The following ABCA13 variants were observed in gnomAD, a reference collection of about 807,000 sequenced individuals.
ABCA13 encodes ATP-binding cassette sub-family A member 13.
ABCA13 carries 476 observed loss-of-function variants against 478.7 expected under a neutral mutation model. That is an observed-to-expected ratio of 0.99 (90% CI 0.92 to 1.07). The LOEUF is 1.07. Among genes scored for constraint, ABCA13 ranks in the 50% least tolerant of loss-of-function variants. ABCA13 has a pLI of 0.00. For missense variants in ABCA13, 6,060 were observed against 5,910.6 expected (o/e 1.03, Z -0.83); for synonymous variants, 2,252 against 2,158.9 (o/e 1.04, Z -1.20).
intron 55 of ABCA13, among the ~76,000 whole-genome samples, chr7:48,576,894 C>T (rs536907237): frequency 6.6e-6 from 1 of 152,214 alleles, no homozygotes; most frequent in African/African-American, 2.4e-5. Flanking sequence ...TGTCAAACCA[C>T]AATGGAATTA....
chr7:48,632,128 T>G (rs572157982), intron 59 of ABCA13, among the ~76,000 whole-genome samples: 1 of 152,320 alleles, frequency 6.6e-6, no homozygotes, highest in African/African-American at 2.4e-5. Context: ...ATAGATTTAC[T>G]TCCTCTTTTC....
chr7:48,210,886 A>T (rs990821777), intron 3 of ABCA13, among the ~76,000 whole-genome samples: 3 of 152,052 alleles, frequency 2.0e-5, no homozygotes, highest in Admixed American at 6.6e-5. Flanking sequence ...AAATCAAATG[A>T]TTCTTCATTG....
rs769145686 is a variant in ABCA13 at position 48,350,787 on chromosome 7, A to G, written c.10349A>G (p.His3450Arg). The change falls in exon 30 of 62, where the codon CAT becomes CGT. Residue 3450 changes from histidine (H) to arginine (R), a missense_variant. Physicochemically the swap from His to Arg is conservative, Grantham distance 29. This residue lies in a region of ABCA13 where 4,423 missense variants were observed against 4,309.1 expected (regional missense o/e 1.03). Coordinates refer to ENST00000435803, the MANE Select transcript of ABCA13 (RefSeq NM_152701.5). ...GTCGACATCCTGGAGACTAAAGCAC[A>G]TGAACTCTTGCAGCAGAACAGCTTC... ...QSVDILETKAHELLQQNSFLA... is the reference protein window; with the variant it reads ...QSVDILETKARELLQQNSFLA... The G allele has an allele frequency of 6.1e-5, 99 of 1,613,898 alleles. No individual in the cohort carries two copies. Among genetic ancestry groups the G allele is most frequent in the Non-Finnish European group, 8.2e-5 (97 of 1,179,824 alleles).
chr7:48,171,606 C>A, intron 1 of ABCA13, 54 bp downstream of exon 1: 3 of 1,522,430 alleles, frequency 2.0e-6, no homozygotes, highest in Admixed American at 2.0e-5. Context: ...GGAGCAAGAT[C>A]AGGGTCTATT....
In ABCA13 at chr7:48,646,370, C is replaced by T. The variant is rs1001298026; in HGVS notation, c.*858C>T. The T allele has an allele frequency of 1.3e-5, 2 of 152,176 alleles. No homozygotes were observed. Among genetic ancestry groups the T allele is most frequent in the Non-Finnish European group, 2.9e-5 (2 of 68,050 alleles). The allele number at this position is 152,176 out of a possible 1,614,324, so 9.4% of individuals were successfully genotyped here. On this transcript the variant is annotated 3_prime_UTR_variant, in exon 62 of 62. Transcript: ENST00000435803. ...CTTCTGGGAGCTTGCAAGAAATGTA[C>T]ATTCTCAGGATCCACTCCAGACCTA...
Position 48,219,490 on chromosome 7 carries a change from C to T in ABCA13, c.424C>T (p.Arg142Ter), listed in dbSNP as rs369201533. 103 of 1,610,754 alleles carry T rather than the reference C, an allele frequency of 6.4e-5. No individual in the cohort carries two copies. Among genetic ancestry groups the T allele is most frequent in the Admixed American group, 1.5e-4 (9 of 59,300 alleles). Residue 142 changes from arginine to a stop codon, truncating the protein, a stop_gained, in exon 4 of 62, where the codon CGA (arginine) becomes TGA (stop). Transcript: ENST00000435803. LOFTEE classifies it high-confidence loss of function. ...AAACTTAAAAAGACTTTGGGTAGAA[C>T]GATCCAACACTCCAGGCAAGTAAAC... The part of the protein sequence containing the change: ...AKNLKRLWVE[R>*]SNTPDSSYGS...
At chr7:48,506,462 ACTTTGGTCTCT>A (rs1323885909) in intron 49 of ABCA13, 72 bp downstream of exon 49, 1 of 1,546,786 alleles carries the variant, frequency 6.5e-7, no homozygotes, top group East Asian at 2.3e-5. Flanking sequence ...CTTAGGGATG[ACTTTGGTCTCT>A]CTTTTGCATT....
chr7:48,366,975 A>G (rs1323490963), intron 31 of ABCA13, among the ~76,000 whole-genome samples: 1 of 152,128 alleles, frequency 6.6e-6, no homozygotes, highest in Non-Finnish European at 1.5e-5. Context: ...TTCATGTATC[A>G]CCAGCCCAGT....
chr7:48,319,154 C>A (rs1803031150), intron 27 of ABCA13, among the ~76,000 whole-genome samples: 1 of 152,058 alleles, frequency 6.6e-6, no homozygotes. Flanking sequence ...GGATTGTGGG[C>A]CTGGACAGAG....
At chr7:48,241,395 G>T (rs1790813434) in intron 10 of ABCA13, among the ~76,000 whole-genome samples, 2 of 152,160 alleles carry the variant, frequency 1.3e-5, no homozygotes, top group Non-Finnish European at 2.9e-5. Flanking sequence ...TTTATGTACA[G>T]AACTACCTTA....
chr7:48,181,454 C>T (rs960800368), intron 1 of ABCA13, among the ~76,000 whole-genome samples: 3 of 151,904 alleles, frequency 2.0e-5, no homozygotes, highest in Non-Finnish European at 2.9e-5. Flanking sequence ...ATACTTCATT[C>T]ATCCATAGCT....
intron 27 of ABCA13, among the ~76,000 whole-genome samples, chr7:48,333,580 A>G (rs1805748158): frequency 1.3e-5 from 2 of 152,114 alleles, no homozygotes; most frequent in African/African-American, 4.8e-5. Flanking sequence ...AAAATCTTTT[A>G]TTTTTGTGGG....
In ABCA13 at chr7:48,273,670, G is replaced by T; in HGVS notation, c.4004G>T (p.Arg1335Ile). The part of the protein sequence containing the change: ...TELREAIVFL[R>I]NVSHDRDLFS... ...CTAAGAGAAGCAATAGTATTTCTTA[G>T]AAATGTATCACATGATCGAGATTTG... Residue 1335 changes from arginine to isoleucine, a missense_variant, in exon 17 of 62, where the codon AGA becomes ATA. This residue lies in a region of ABCA13 where 4,423 missense variants were observed against 4,309.1 expected (regional missense o/e 1.03). Transcript: ENST00000435803. The T allele has an allele frequency of 1.2e-6, 2 of 1,607,742 alleles. No homozygotes were observed. Among genetic ancestry groups the T allele is most frequent in the South Asian group, 2.2e-5 (2 of 90,214 alleles).
intron 44 of ABCA13, among the ~76,000 whole-genome samples, chr7:48,470,102 C>T (rs530883786): frequency 3.3e-5 from 5 of 152,242 alleles, no homozygotes; most frequent in African/African-American, 1.2e-4. Flanking sequence ...GTGTATTTTT[C>T]GATTCTTAAA....
intron 15 of ABCA13, among the ~76,000 whole-genome samples, chr7:48,254,601 C>T (rs1250894150): frequency 6.6e-6 from 1 of 152,118 alleles, no homozygotes; most frequent in African/African-American, 2.4e-5. Context: ...CGACACTCTG[C>T]ATGATTTTTT....
At chr7:48,326,355 A>G (rs1804330434) in intron 27 of ABCA13, among the ~76,000 whole-genome samples, 1 of 152,362 alleles carries the variant, frequency 6.6e-6, no homozygotes, top group East Asian at 1.9e-4. Context: ...AAGTTGTGAG[A>G]AGGTAAATTA....
chr7:48,578,682 G>A (rs1788418390), intron 55 of ABCA13, among the ~76,000 whole-genome samples: 1 of 152,122 alleles, frequency 6.6e-6, no homozygotes, highest in Admixed American at 6.6e-5. Context: ...GTGTTACTTT[G>A]TGGATATTAA....
At chr7:48,456,336 A>G (rs1825669245) in intron 43 of ABCA13, among the ~76,000 whole-genome samples, 1 of 152,224 alleles carries the variant, frequency 6.6e-6, no homozygotes, top group Non-Finnish European at 1.5e-5. Context: ...AAATACATGG[A>G]CAAAGTAAAA....
Position 48,273,702 on chromosome 7 carries a change from T to G in ABCA13, c.4036T>G (p.Cys1346Gly), listed in dbSNP as rs553756075. 1 of 1,608,414 alleles carries G rather than the reference T, an allele frequency of 6.2e-7. No individual in the cohort carries two copies. Among genetic ancestry groups the G allele is most frequent in the East Asian group, 2.2e-5 (1 of 44,750 alleles). The change falls in exon 17 of 62, where the codon TGT becomes GGT. Residue 1346 changes from cysteine (C) to glycine (G), a missense_variant. Coordinates refer to ENST00000435803, the MANE Select transcript of ABCA13 (RefSeq NM_152701.5). ...ATCACATGATCGAGATTTGTTTTCC[T>G]GTGCTGATATTTTCCAAAATGTTAC... is the stretch of plus-strand genomic sequence containing the variant. The part of the protein sequence containing the change: ...NVSHDRDLFS[C>G]ADIFQNVTEC...
Sources: gnomAD v4.1 joint callset for allele counts (sites outside exome capture counted in the v4.1 genomes callset) on GRCh38, gnomAD v4.1.1 for gene constraint, gnomAD v4.1.1 regional missense constraint, MANE v1.5 for transcripts, NCBI Gene and HGNC (gene_info 2026-07-23, HGNC 2026-07-21) for gene names.